NIBAN1: variants seen among roughly 807,000 people sequenced by gnomAD.
NIBAN1 encodes niban apoptosis regulator 1.
Under a neutral mutation model 75.1 loss-of-function variants are expected in NIBAN1, and 81 were observed. The ratio of observed to expected loss-of-function variants is 1.08; its 90% CI spans 0.90 to 1.30. The LOEUF (loss-of-function observed/expected upper bound fraction) is 1.30. Among genes scored for constraint, NIBAN1 ranks in the 50% most tolerant of loss-of-function variants. The pLI, the probability that NIBAN1 is intolerant of heterozygous loss-of-function variation, is 0.00. For synonymous variants in NIBAN1, 436 were observed against 424.8 expected (o/e 1.03, Z -0.32); for missense variants, 1,133 against 1,128.1 (o/e 1.00, Z -0.06).
intron 5 of NIBAN1, among the ~76,000 whole-genome samples, chr1:184,873,108 C>A (rs532446355): frequency 7.8e-4 from 119 of 152,138 alleles, no homozygotes; most frequent in Admixed American, 2.6e-3. Context: ...AATTGCTGCA[C>A]CAAAATTTCA....
intron 5 of NIBAN1, among the ~76,000 whole-genome samples, chr1:184,834,210 AG>A (rs769309535): frequency 2.0e-5 from 3 of 152,180 alleles, no homozygotes; most frequent in Non-Finnish European, 2.9e-5. Context: ...ATGGCTGCAT[AG>A]TATTCCATGG....
At chr1:184,934,278 T>C (rs1020295854) in intron 1 of NIBAN1, among the ~76,000 whole-genome samples, 32 of 151,950 alleles carry the variant, frequency 2.1e-4, no homozygotes, top group African/African-American at 7.5e-4. Context: ...TGAGTACTCA[T>C]GGACATAAAG....
At chr1:184,800,679 T>C (rs1473695533) in intron 12 of NIBAN1, among the ~76,000 whole-genome samples, 1 of 152,122 alleles carries the variant, frequency 6.6e-6, no homozygotes, top group Non-Finnish European at 1.5e-5. Flanking sequence ...TAGTTGTAGA[T>C]ATATGGCGCA....
chr1:184,806,728 C>G (rs190879014), intron 10 of NIBAN1, among the ~76,000 whole-genome samples: 5 of 151,702 alleles, frequency 3.3e-5, no homozygotes, highest in African/African-American at 1.2e-4. Context: ...CCTTTCTTCC[C>G]CAAGCCCGTG....
intron 1 of NIBAN1, among the ~76,000 whole-genome samples, chr1:184,919,173 G>A (rs181481841): frequency 6.6e-6 from 1 of 152,334 alleles, no homozygotes. Context: ...GATTTAGTGT[G>A]AGACACATTG....
intron 1 of NIBAN1, among the ~76,000 whole-genome samples, chr1:184,918,423 C>A (rs1327435717): frequency 6.6e-6 from 1 of 152,186 alleles, no homozygotes; most frequent in East Asian, 1.9e-4. Flanking sequence ...TAAAAGCCAC[C>A]TTGGGTTCTT....
chr1:184,862,311 CT>C lies in NIBAN1; in HGVS notation c.601+22321del, dbSNP rs555669734. ...TCCATTTCTCAACAGGTTTTTCATA[CT>C]TTTTTTTTTTTAAGGTGAGATCTCA... is the stretch of plus-strand genomic sequence containing the variant. On this transcript the variant is annotated intron_variant, in intron 5 of 13. Coordinates refer to ENST00000367511, the MANE Select transcript of NIBAN1 (RefSeq NM_052966.4). Among the ~76,000 whole-genome samples, 778 of 144,972 alleles carry C rather than the reference CT, an allele frequency of 5.4e-3. 5 individuals carry two copies. The highest frequency in any genetic ancestry group is 0.042 in the East Asian group (209 of 5,016).
chr1:184,961,579 C>T (rs1218514097), intron 1 of NIBAN1, among the ~76,000 whole-genome samples: 3 of 152,144 alleles, frequency 2.0e-5, no homozygotes, highest in Non-Finnish European at 4.4e-5. Flanking sequence ...ATCATGCTTC[C>T]TTCTTGCTAA....
At chr1:184,802,577 T>C (rs1654074698) in intron 12 of NIBAN1, among the ~76,000 whole-genome samples, 2 of 152,132 alleles carry the variant, frequency 1.3e-5, no homozygotes. Flanking sequence ...TAATACGCTA[T>C]GAGGATGTGA....
intron 1 of NIBAN1, among the ~76,000 whole-genome samples, chr1:184,923,731 CA>C (rs528682576): frequency 1.0e-3 from 156 of 152,116 alleles, no homozygotes; most frequent in African/African-American, 3.4e-3. Flanking sequence ...TTGTGTGTGC[CA>C]TCTGCAATTT....
intron 6 of NIBAN1, among the ~76,000 whole-genome samples, chr1:184,830,508 A>T (rs981480804): frequency 6.6e-6 from 1 of 152,214 alleles, no homozygotes; most frequent in Admixed American, 6.5e-5. Flanking sequence ...AAAAAGAGAG[A>T]GAGAGAAAGA....
intron 5 of NIBAN1, among the ~76,000 whole-genome samples, chr1:184,842,383 G>A (rs1248974523): frequency 6.6e-6 from 1 of 152,216 alleles, no homozygotes; most frequent in Non-Finnish European, 1.5e-5. Context: ...AGGTGATGCT[G>A]ATGCTACAGG....
intron 1 of NIBAN1, among the ~76,000 whole-genome samples, chr1:184,947,923 C>T (rs1658271159): frequency 6.6e-6 from 1 of 152,158 alleles, no homozygotes; most frequent in Non-Finnish European, 1.5e-5. Context: ...CTTTAATGAC[C>T]TTTAAATTCC....
intron 1 of NIBAN1, among the ~76,000 whole-genome samples, chr1:184,935,401 A>G (rs1351960335): frequency 6.6e-6 from 1 of 152,036 alleles, no homozygotes; most frequent in Non-Finnish European, 1.5e-5. Context: ...CCAGCTACTC[A>G]GAAGGCCAAG....
Position 184,794,810 on chromosome 1 carries a change from A to C in NIBAN1, c.*167T>G. On this transcript the variant is annotated 3_prime_UTR_variant, in exon 14 of 14. Transcript: ENST00000367511. ...ATCGTAGAACAATTCATGTCCACAA[A>C]GGTTTGCCTCAGTTGCTCATGCCCT... 2 of 808,648 alleles carry C rather than the reference A, an allele frequency of 2.5e-6. No homozygotes were observed. Among genetic ancestry groups the C allele is most frequent in the Admixed American group, 4.5e-5 (2 of 44,090 alleles). 50.1% of individuals were successfully genotyped at this position (808,648 alleles called of 1,614,324 possible).
At chr1:184,921,338 C>A (rs777502109) in intron 1 of NIBAN1, among the ~76,000 whole-genome samples, 6 of 151,930 alleles carry the variant, frequency 3.9e-5, no homozygotes, top group Non-Finnish European at 7.4e-5. Flanking sequence ...TATAAAAAGA[C>A]ATCCTAAGGT....
At chr1:184,967,270 T>C (rs1364480913) in intron 1 of NIBAN1, among the ~76,000 whole-genome samples, 1 of 151,966 alleles carries the variant, frequency 6.6e-6, no homozygotes, top group Non-Finnish European at 1.5e-5. Context: ...TTTTGAACTG[T>C]TGGGAAAGTG....
chr1:184,959,501 T>C (rs2102075871), intron 1 of NIBAN1, among the ~76,000 whole-genome samples: 1 of 152,376 alleles, frequency 6.6e-6, no homozygotes, highest in Non-Finnish European at 1.5e-5. Flanking sequence ...TTTCTATTGA[T>C]TTATTTTCTT....
At chr1:184,894,710 G>C (rs1656754871) in intron 2 of NIBAN1, among the ~76,000 whole-genome samples, 1 of 152,166 alleles carries the variant, frequency 6.6e-6, no homozygotes, top group Non-Finnish European at 1.5e-5. Flanking sequence ...CAAAGCCATG[G>C]GGACCCCTCT....
Sources: allele counts gnomAD v4.1 joint callset (sites outside exome capture counted in the v4.1 genomes callset), GRCh38; gene constraint gnomAD v4.1.1; transcripts MANE v1.5; gene names NCBI Gene and HGNC (gene_info 2026-07-23, HGNC 2026-07-21).